The following CDH8 variants were observed in gnomAD, a reference collection of about 807,000 sequenced individuals.
CDH8 encodes the protein cadherin-8.
Under a neutral mutation model 68.1 loss-of-function variants are expected in CDH8, and 17 were observed. The ratio of observed to expected loss-of-function variants is 0.25; its 90% CI spans 0.17 to 0.37. The LOEUF is 0.37. Among genes scored for constraint, CDH8 ranks in the 10% least tolerant of loss-of-function variants. The pLI, the probability that CDH8 is intolerant of heterozygous loss-of-function variation, is 1.00. For synonymous variants in CDH8, 372 were observed against 365.1 expected, an observed-to-expected ratio of 1.02 and a Z score of -0.21; for missense variants, 763 against 999.3, an observed-to-expected ratio of 0.76 and a Z score of 3.19.
chr16:61,914,542 C>T (rs1964208129), intron 2 of CDH8, among the ~76,000 whole-genome samples: 2 of 151,974 alleles, frequency 1.3e-5, no homozygotes, highest in South Asian at 2.1e-4. Flanking sequence ...AATCTAATCA[C>T]ATGAATCCTT....
At chr16:61,696,477 G>A (rs542093996) in intron 10 of CDH8, among the ~76,000 whole-genome samples, 14 of 152,312 alleles carry the variant, frequency 9.2e-5, no homozygotes, top group African/African-American at 3.1e-4. Flanking sequence ...TGGCGAGGAT[G>A]CAGAGAAAAG....
intron 7 of CDH8, among the ~76,000 whole-genome samples, chr16:61,803,713 G>C (rs1961718852): frequency 6.7e-6 from 1 of 148,520 alleles, no homozygotes; most frequent in South Asian, 2.2e-4. Context: ...GATCAAAAGA[G>C]ACAAAGAAGG....
intron 2 of CDH8, among the ~76,000 whole-genome samples, chr16:61,991,918 G>A (rs1965727946): frequency 6.6e-6 from 1 of 152,066 alleles, no homozygotes; most frequent in South Asian, 2.1e-4. Context: ...TACTACTTTG[G>A]AGAAGCAAGT....
At chr16:61,706,620 C>CAAAAAAAAAAAAA (rs781148249) in intron 10 of CDH8, among the ~76,000 whole-genome samples, 1,274 of 60,310 alleles carry the variant, frequency 0.021, 99 homozygotes, top group Middle Eastern at 0.034. Flanking sequence ...GACTCTGTCT[C>CAAAAAAAAAAAAA]AAAAAAAAAA....
intron 4 of CDH8, among the ~76,000 whole-genome samples, chr16:61,834,794 A>G (rs1962532111): frequency 6.6e-6 from 1 of 151,948 alleles, no homozygotes; most frequent in Non-Finnish European, 1.5e-5. Flanking sequence ...ATAAGAGTTG[A>G]TAGGAAAACA....
chr16:61,707,559 T>C (rs1453401524), intron 10 of CDH8, among the ~76,000 whole-genome samples: 1 of 152,176 alleles, frequency 6.6e-6, no homozygotes, highest in African/African-American at 2.4e-5. Flanking sequence ...GCCAAATTAT[T>C]TTCCTGCCTT....
At chr16:61,830,763 C>T (rs1368489668) in intron 4 of CDH8, among the ~76,000 whole-genome samples, 1 of 151,740 alleles carries the variant, frequency 6.6e-6, no homozygotes, top group Non-Finnish European at 1.5e-5. Flanking sequence ...AAATGCTTTC[C>T]TCTGAAGCAA....
chr16:61,971,435 A>G (rs887976461), intron 2 of CDH8, among the ~76,000 whole-genome samples: 1 of 152,178 alleles, frequency 6.6e-6, no homozygotes, highest in African/African-American at 2.4e-5. Context: ...CTGGTTTAAT[A>G]GAATATTTTT....
intron 4 of CDH8, among the ~76,000 whole-genome samples, chr16:61,833,019 T>C (rs1962493926): frequency 6.6e-6 from 1 of 151,586 alleles, no homozygotes; most frequent in Admixed American, 6.6e-5. Flanking sequence ...AGATGAGAAA[T>C]TATTTTTGTA....
At chr16:61,736,116 G>GAAAGAAAGAAAGAAAGA (rs1567446500) in intron 8 of CDH8, among the ~76,000 whole-genome samples, 2 of 74,796 alleles carry the variant, frequency 2.7e-5, no homozygotes, top group African/African-American at 1.3e-4. Context: ...AGAAAGAAAG[G>GAAAGAAAGAAAGAAAGA]AAGGAAGGAA....
At chr16:61,990,696 C>T (rs1402401102) in intron 2 of CDH8, among the ~76,000 whole-genome samples, 5 of 152,016 alleles carry the variant, frequency 3.3e-5, no homozygotes, top group Non-Finnish European at 7.4e-5. Context: ...TGGCGGTGCA[C>T]ACCTGTAGTC....
chr16:61,663,065 C>G (rs1963599986), intron 10 of CDH8, among the ~76,000 whole-genome samples: 1 of 151,962 alleles, frequency 6.6e-6, no homozygotes, highest in Non-Finnish European at 1.5e-5. Context: ...GGGCTAAGAG[C>G]ACCAGTCATG....
chr16:61,894,297 A>G (rs575338162), intron 3 of CDH8, among the ~76,000 whole-genome samples: 2 of 152,324 alleles, frequency 1.3e-5, no homozygotes, highest in South Asian at 2.1e-4. Context: ...GTCAGGTGTG[A>G]AAGTCATAAG....
intron 7 of CDH8, among the ~76,000 whole-genome samples, chr16:61,804,244 G>C: frequency 6.6e-6 from 1 of 151,866 alleles, no homozygotes. Context: ...AATGAAGGCA[G>C]AAATAAAGAT....
At chr16:61,758,689 T>C (rs1292718188) in intron 8 of CDH8, among the ~76,000 whole-genome samples, 1 of 152,180 alleles carries the variant, frequency 6.6e-6, no homozygotes, top group Non-Finnish European at 1.5e-5. Flanking sequence ...CACCTCGGCT[T>C]CCCAATGTTT....
At chr16:61,776,526 T>C (rs76094920) in intron 8 of CDH8, among the ~76,000 whole-genome samples, 4,768 of 152,202 alleles carry the variant, frequency 0.031, 112 homozygotes, top group East Asian at 0.046. Flanking sequence ...GGAAAGAAGA[T>C]GCTCCTATTA....
At chr16:61,937,785 A>C (rs1964650436) in intron 2 of CDH8, 2 of 152,114 alleles carry the variant, frequency 1.3e-5, no homozygotes, top group Admixed American at 1.3e-4. Context: ...CTTAAGGAAA[A>C]AACTTTCTCT....
At chr16:62,009,051 GA>G (rs1232690917) in intron 2 of CDH8, among the ~76,000 whole-genome samples, 1 of 146,894 alleles carries the variant, frequency 6.8e-6, no homozygotes, top group Admixed American at 6.8e-5. Flanking sequence ...AAAAAGCAAA[GA>G]AAAACTCCAC....
intron 2 of CDH8, among the ~76,000 whole-genome samples, chr16:61,960,013 T>TATATATAC (rs1428445364): frequency 3.7e-5 from 3 of 80,552 alleles, no homozygotes; most frequent in South Asian, 3.7e-4. Context: ...TATATATATA[T>TATATATAC]ATACACACAT....
Sources: allele counts gnomAD v4.1 joint callset (sites outside exome capture counted in the v4.1 genomes callset), GRCh38; gene constraint gnomAD v4.1.1; transcripts MANE v1.5; gene names NCBI Gene and HGNC (gene_info 2026-07-23, HGNC 2026-07-21).